TTLL10: variants seen among roughly 807,000 people sequenced by gnomAD.
The protein encoded by TTLL10 is inactive polyglycylase TTLL10.
Under a neutral mutation model 69.0 loss-of-function variants are expected in TTLL10, and 61 were observed. The ratio of observed to expected loss-of-function variants is 0.88; its 90% CI spans 0.72 to 1.09. TTLL10 has a LOEUF of 1.09. TTLL10 is among the 50% of genes least tolerant of loss of function. TTLL10 has a pLI of 0.00. For synonymous variants in TTLL10, 408 were observed against 393.3 expected, an observed-to-expected ratio of 1.04 and a Z score of -0.44; for missense variants, 962 against 945.9, an observed-to-expected ratio of 1.02 and a Z score of -0.22.
rs769137130 is a variant in TTLL10 at position 1,183,057 on chromosome 1, C to T, written c.1088+10C>T. Reference sequence around the variant, plus strand: ...CGCGGGTGGTGCAGAGGTGCGGCGGCGGGTGCCCGGAGGGGTGAGGGTCTG... The same window carrying T: ...CGCGGGTGGTGCAGAGGTGCGGCGGTGGGTGCCCGGAGGGGTGAGGGTCTG... On this transcript the variant is annotated intron_variant, in intron 11 of 15. Transcript: ENST00000379289. 1.5e-5 allele frequency: 23 copies of T among 1,585,042 alleles called. No homozygotes were observed. Among genetic ancestry groups the T allele is most frequent in the African/African-American group, 4.1e-5 (3 of 73,930 alleles).
At position 1,180,857 on chromosome 1, in the gene TTLL10, C is replaced by A; in HGVS notation, c.752C>A (p.Ala251Asp). 1.9e-6 allele frequency: 3 copies of A among 1,564,600 alleles called. No homozygotes were observed. In the South Asian group the frequency reaches 3.5e-5, roughly 18 times the overall value. The change falls in exon 8 of 16, where the codon GCC becomes GAC. Residue 251 changes from alanine (A) to aspartate (D), a missense_variant. Physicochemically the swap from Ala to Asp is moderately radical, Grantham distance 126 (BLOSUM62 -2). Coordinates refer to ENST00000379289, the MANE Select transcript of TTLL10 (RefSeq NM_001130045.2). ...AGCAAGGTGCCGGGGGGGGTCCAGG[C>A]CAGGTGAGTCTGCCCCTGCCCCTGC... Reference protein sequence around the residue: ...KASKVPGGVQARLEKDAAAPA... With the variant: ...KASKVPGGVQDRLEKDAAAPA...
rs1213859853 is a variant in TTLL10, at chr1:1,181,302, C to T, written c.756-439C>T. On this transcript the variant is annotated intron_variant, in intron 8 of 15. Transcript: ENST00000379289. The surrounding 1 kb of genome is among the most constrained non-coding windows in gnomAD (Gnocchi z 4.6). Reference sequence around the variant, plus strand: ...ATCCAATCCATCCACAATCCCACACCGTGCCCACCGTCACCTGTGGGTGCC... The same window carrying T: ...ATCCAATCCATCCACAATCCCACACTGTGCCCACCGTCACCTGTGGGTGCC... 2.0e-5 allele frequency among the ~76,000 whole-genome samples: 3 copies of T among 151,950 alleles called. No homozygotes were observed. The highest frequency in any genetic ancestry group is 1.9e-4 in the East Asian group (1 of 5,154).
chr1:1,186,847 T>C (rs956934184), intron 13 of TTLL10, among the ~76,000 whole-genome samples: 10 of 140,332 alleles, frequency 7.1e-5, no homozygotes. Flanking sequence ...TTGTTTGTTT[T>C]TTGTTTTTTT....
chr1:1,184,088 C>G lies in TTLL10; in HGVS notation c.1257C>G (p.Asn419Lys). The change falls in exon 12 of 16, where the codon AAC (asparagine) becomes AAG (lysine). Residue 419 changes from asparagine to lysine, a missense_variant. Asn to Lys is a moderately conservative substitution (Grantham distance 94). Coordinates refer to ENST00000379289, the MANE Select transcript of TTLL10 (RefSeq NM_001130045.2). ...HSSDLGGHLT[N>K]QFMQKKSPLY... is the part of the protein sequence containing the mutation. ...GCGACCTCGGCGGCCACTTGACCAACCAGGTGAGTCTGCCATGGGTGAGGG... is the reference window on the plus strand; with the variant it reads ...GCGACCTCGGCGGCCACTTGACCAAGCAGGTGAGTCTGCCATGGGTGAGGG... The G allele has an allele frequency of 1.2e-6, 2 of 1,614,180 alleles. No homozygotes were observed. Among genetic ancestry groups the G allele is most frequent in the Non-Finnish European group, 1.7e-6 (2 of 1,180,016 alleles).
At chr1:1,180,458 T>TCCCCCCCCCCCCCCCC in intron 6 of TTLL10, 25 bp from the exon 7 acceptor site, 1 of 942,134 alleles carries the variant, frequency 1.1e-6, no homozygotes, top group Non-Finnish European at 1.5e-6. Context: ...GGCCCCCAGG[T>TCCCCCCCCCCCCCCCC]CACCCCCGCC....
Position 1,182,275 on chromosome 1 carries a change from G to T in TTLL10, c.831-86G>T, listed in dbSNP as rs999785342. 3.4e-5 allele frequency: 42 copies of T among 1,225,678 alleles called. 1 individual carries two copies. In the South Asian group the frequency reaches 4.7e-4, roughly 14 times the overall value. The allele number at this position is 1,225,678 out of a possible 1,614,324, so 75.9% of individuals were successfully genotyped here. On this transcript the variant is annotated intron_variant, in intron 9 of 15. Coordinates refer to ENST00000379289, the MANE Select transcript of TTLL10 (RefSeq NM_001130045.2). ...GGTGCCACTGCCCACACTCCCTCCC[G>T]CCGGGCCACAGGCTGGGCCTCAAAC...
intron 13 of TTLL10, among the ~76,000 whole-genome samples, chr1:1,193,849 A>C (rs1435709419): frequency 3.3e-5 from 5 of 152,168 alleles, no homozygotes; most frequent in African/African-American, 1.2e-4. Flanking sequence ...ATTACCATTA[A>C]TATTGTATCT....
Position 1,181,573 on chromosome 1 carries a change from G to C in TTLL10, c.756-168G>C, listed in dbSNP as rs1647070572. On this transcript the variant is annotated intron_variant, in intron 8 of 15. Transcript: ENST00000379289. This position sits in a 1 kb window ranked among gnomAD's most constrained non-coding sequence, Gnocchi z 4.6. ...ATGTCCAGCGTCCACTTCCAGCCTAGAGCAACACAGCTGTTTCCCCCAGGC... is the reference window on the plus strand; with the variant it reads ...ATGTCCAGCGTCCACTTCCAGCCTACAGCAACACAGCTGTTTCCCCCAGGC... Among the ~76,000 whole-genome samples the C allele has an allele frequency of 6.6e-6, 1 of 152,038 alleles. No homozygotes were observed. Among genetic ancestry groups the C allele is most frequent in the African/African-American group, 2.4e-5 (1 of 41,382 alleles).
In TTLL10 at chr1:1,197,891, C is replaced by T. The variant is rs569124997; in HGVS notation, c.*44C>T. 5.5e-4 allele frequency: 769 copies of T among 1,390,740 alleles called. 1 individual carries two copies. In the African/African-American group the frequency reaches 1.0e-2, roughly 18 times the overall value. 86.1% of individuals were successfully genotyped at this position (1,390,740 alleles called of 1,614,324 possible). On this transcript the variant is annotated 3_prime_UTR_variant, in exon 16 of 16. Coordinates refer to ENST00000379289, the MANE Select transcript of TTLL10 (RefSeq NM_001130045.2). ...AGCGCCCCGCGCCCCGCGCCCCAGCCGTGCTGCCTGCCCTCAGGGACCTAT... is the reference window on the plus strand; with the variant it reads ...AGCGCCCCGCGCCCCGCGCCCCAGCTGTGCTGCCTGCCCTCAGGGACCTAT...
At position 1,181,743 on chromosome 1, in the gene TTLL10, T is replaced by C; in HGVS notation, c.758T>C (p.Leu253Pro). 6.2e-7 allele frequency: 1 copy of C among 1,600,782 alleles called. No individual in the cohort carries two copies. The highest frequency in any genetic ancestry group is 8.5e-7 in the Non-Finnish European group (1 of 1,174,970). ...GCCCTCTGTCCCCTGGGCTGCAGGCTGGAAAAGGACGCAGCAGCGCCCGCC... is the reference window on the plus strand; with the variant it reads ...GCCCTCTGTCCCCTGGGCTGCAGGCCGGAAAAGGACGCAGCAGCGCCCGCC... ...SKVPGGVQAR[L>P]EKDAAAPALE... The change falls in exon 9 of 16, where the codon CTG (leucine) becomes CCG (proline). Residue 253 changes from leucine (L) to proline (P), a missense_variant and splice_region_variant. Transcript: ENST00000379289. This position sits in a 1 kb window ranked among gnomAD's most constrained non-coding sequence, Gnocchi z 4.6.
intron 12 of TTLL10, among the ~76,000 whole-genome samples, chr1:1,184,405 C>T (rs1334901828): frequency 6.6e-6 from 1 of 152,138 alleles, no homozygotes; most frequent in African/African-American, 2.4e-5. Context: ...GGATGGGGTG[C>T]GGGTGGGCGT....
intron 10 of TTLL10, 22 bp from the exon 11 acceptor site, chr1:1,182,854 G>T: frequency 6.5e-7 from 1 of 1,541,096 alleles, no homozygotes; most frequent in Non-Finnish European, 8.8e-7. Flanking sequence ...GAGGCCAGGG[G>T]CTCAGGCCGC....
At chr1:1,193,371 T>A (rs1647971971) in intron 13 of TTLL10, among the ~76,000 whole-genome samples, 1 of 140,656 alleles carries the variant, frequency 7.1e-6, no homozygotes, top group Non-Finnish European at 1.5e-5. Context: ...GATTTACATA[T>A]GCTATTTTGT....
At chr1:1,192,300 C>T (rs1380106673) in intron 13 of TTLL10, among the ~76,000 whole-genome samples, 2 of 152,166 alleles carry the variant, frequency 1.3e-5, no homozygotes, top group Non-Finnish European at 2.9e-5. Flanking sequence ...CTTGGTTTAT[C>T]GTTATAAAAA....
chr1:1,185,162 G>A lies in TTLL10; in HGVS notation c.1401+53G>A, dbSNP rs1238647952. 4 of 1,592,292 alleles carry A rather than the reference G, an allele frequency of 2.5e-6. No homozygotes were observed. In the African/African-American group the frequency reaches 4.1e-5, roughly 16 times the overall value. On this transcript the variant is annotated intron_variant, in intron 13 of 15. Transcript: ENST00000379289. The surrounding 1 kb of genome is among the most constrained non-coding windows in gnomAD (Gnocchi z 6.1). The stretch of plus-strand genomic sequence containing the variant: ...GAGTGAGATCCCTCGGGGCGGGGGT[G>A]TGTGGTCAGGCTGGGCACCAGGCAC...
intron 9 of TTLL10, 62 bp from the exon 10 acceptor site, chr1:1,182,299 A>G (rs957026448): frequency 2.7e-6 from 4 of 1,485,962 alleles, no homozygotes; most frequent in Non-Finnish European, 3.8e-6. Context: ...TGGGCCTCAA[A>G]CCGCCCACCC....
In TTLL10 at chr1:1,180,784, G is replaced by A. The variant is rs926014359; in HGVS notation, c.679G>A (p.Gly227Arg). 2.9e-5 allele frequency: 47 copies of A among 1,607,518 alleles called. No individual in the cohort carries two copies. Among genetic ancestry groups the A allele is most frequent in the Non-Finnish European group, 3.5e-5 (41 of 1,177,616 alleles). Residue 227 changes from glycine (G) to arginine (R), a missense_variant, in exon 8 of 16, where the codon GGG (glycine) becomes AGG (arginine). Transcript: ENST00000379289. ...PNNKLLTTKI[G>R]LLSTLRGRAR... is the part of the protein sequence containing the mutation. ...CAACAAGCTCCTCACCACCAAGATCGGGCTGCTCAGCACCCTTCGGGGACG... is the reference window on the plus strand; with the variant it reads ...CAACAAGCTCCTCACCACCAAGATCAGGCTGCTCAGCACCCTTCGGGGACG...
chr1:1,183,012 G>C lies in TTLL10; in HGVS notation c.1053G>C (p.Thr351=), dbSNP rs781004642. 3.1e-6 allele frequency: 5 copies of C among 1,609,504 alleles called. No individual in the cohort carries two copies. The highest frequency in any genetic ancestry group is 3.3e-5 in the Admixed American group (2 of 59,740). ...AGGACGACCCCATCCACCACAAGAC[G>C]CCGTTCCGGGGGCCTCAGGCGCGGG... ...SMEDDPIHHK[T]PFRGPQARVV... Residue 351 remains threonine (T), a synonymous_variant, in exon 11 of 16, where the codon ACG becomes ACC. Transcript: ENST00000379289.
Position 1,179,665 on chromosome 1 carries a change from C to G in TTLL10, c.127C>G (p.Pro43Ala). The G allele has an allele frequency of 6.4e-7, 1 of 1,550,982 alleles. No individual in the cohort carries two copies. Among genetic ancestry groups the G allele is most frequent in the Admixed American group, 2.0e-5 (1 of 50,994 alleles). Reference protein sequence around the residue: ...RPRARVSGTIPASRLHPAPAS... With the variant: ...RPRARVSGTIAASRLHPAPAS... ...TGACCCCTGCCCTCCAGGGACCATC[C>G]CTGCGTCACGTCTGCACCCAGCACC... The change falls in exon 5 of 16, where the codon CCT (proline) becomes GCT (alanine). Residue 43 changes from proline to alanine, a missense_variant. Transcript: ENST00000379289.
Sources: gnomAD v4.1 joint callset for allele counts (sites outside exome capture counted in the v4.1 genomes callset) on GRCh38, gnomAD v4.1.1 for gene constraint, Gnocchi (gnomAD v3.1) non-coding constraint, MANE v1.5 for transcripts, NCBI Gene and HGNC (gene_info 2026-07-23, HGNC 2026-07-21) for gene names.